The following RNF130 variants were observed in gnomAD, a reference collection of about 807,000 sequenced individuals.
The protein encoded by RNF130 is ring finger protein 130.
RNF130 carries 21 observed loss-of-function variants against 44.6 expected under a neutral mutation model. That is an observed-to-expected ratio of 0.47 (90% CI 0.33 to 0.68). The LOEUF (loss-of-function observed/expected upper bound fraction) is 0.68, where lower values mean the gene tolerates loss of function less well. RNF130 is among the 30% of genes least tolerant of loss of function. RNF130 has a pLI of 0.02. For synonymous variants in RNF130, 214 were observed against 210.4 expected (o/e 1.02, Z -0.15); for missense variants, 479 against 560.6 (o/e 0.85, Z 1.47).
intron 3 of RNF130, among the ~76,000 whole-genome samples, chr5:180,010,418 G>A (rs957503367): frequency 2.0e-5 from 3 of 151,964 alleles, no homozygotes; most frequent in Non-Finnish European, 4.4e-5. Context: ...GGAGTGCAGT[G>A]GTACGATCAT....
intron 5 of RNF130, among the ~76,000 whole-genome samples, chr5:179,970,916 G>A (rs920645346): frequency 3.9e-5 from 6 of 152,208 alleles, no homozygotes; most frequent in African/African-American, 1.4e-4. Context: ...TCTGTATAGT[G>A]ATTAGTTTTT....
At chr5:180,041,622 G>C (rs1313145303) in intron 1 of RNF130, among the ~76,000 whole-genome samples, 1 of 152,218 alleles carries the variant, frequency 6.6e-6, no homozygotes, top group East Asian at 1.9e-4. Context: ...GGGGAGAGAA[G>C]TCACCAAAGG....
At chr5:179,954,628 G>A (rs530036363), downstream of RNF130, among the ~76,000 whole-genome samples, 2 of 152,342 alleles carry the variant, frequency 1.3e-5, no homozygotes, top group Admixed American at 6.5e-5. Context: ...TCTGGAATCT[G>A]ATAGTGGTGA....
At chr5:179,964,236 G>C (rs1346656117) in intron 7 of RNF130, 5 of 152,326 alleles carry the variant, frequency 3.3e-5, no homozygotes, top group Non-Finnish European at 7.3e-5. Flanking sequence ...GCGGGCGACT[G>C]ACCGGGTACT....
intron 5 of RNF130, among the ~76,000 whole-genome samples, chr5:179,972,577 T>G: frequency 6.9e-6 from 1 of 145,034 alleles, no homozygotes; most frequent in Non-Finnish European, 1.5e-5. Context: ...GGTGCAGGAG[T>G]GAGAGGTATC....
chr5:180,061,528 G>C (rs1415776099), intron 1 of RNF130, among the ~76,000 whole-genome samples: 1 of 152,174 alleles, frequency 6.6e-6, no homozygotes, highest in East Asian at 1.9e-4. Flanking sequence ...GAGGCTCAAG[G>C]GAAAAACCAC....
chr5:179,996,905 A>T (rs1763212135), intron 3 of RNF130, among the ~76,000 whole-genome samples: 1 of 152,054 alleles, frequency 6.6e-6, no homozygotes, highest in Admixed American at 6.6e-5. Context: ...CTCTTCTTTA[A>T]ATGTTTGGCA....
At chr5:179,940,920 G>T (rs1409432892) in intron 7 of RNF130, among the ~76,000 whole-genome samples, 1 of 151,896 alleles carries the variant, frequency 6.6e-6, no homozygotes, top group Non-Finnish European at 1.5e-5. Flanking sequence ...CTTCAGCTCA[G>T]ATAGTCTCTC....
chr5:179,927,274 A>T (rs928580380), intron 7 of RNF130, among the ~76,000 whole-genome samples: 3 of 152,140 alleles, frequency 2.0e-5, no homozygotes, highest in Non-Finnish European at 4.4e-5. Context: ...AAGCACACAT[A>T]ATTTTTGACA....
chr5:179,927,743 C>A (rs574866034), intron 7 of RNF130, among the ~76,000 whole-genome samples: 61 of 151,894 alleles, frequency 4.0e-4, no homozygotes, highest in Non-Finnish European at 7.9e-4. Context: ...CCCGCCACCA[C>A]GCCTGGCTAA....
At chr5:179,962,955 C>T (rs552529597) in intron 8 of RNF130, among the ~76,000 whole-genome samples, 54 of 152,350 alleles carry the variant, frequency 3.5e-4, no homozygotes, top group African/African-American at 1.3e-3. Flanking sequence ...CTTATTTTCT[C>T]TTCCTCCTCA....
chr5:180,051,279 T>C (rs1164793855), intron 1 of RNF130, among the ~76,000 whole-genome samples: 3 of 151,388 alleles, frequency 2.0e-5, no homozygotes, highest in African/African-American at 7.3e-5. Flanking sequence ...AGACAGAGTC[T>C]CGATCTGTCA....
At chr5:179,944,594 A>G (rs903195785) in intron 7 of RNF130, among the ~76,000 whole-genome samples, 1 of 151,840 alleles carries the variant, frequency 6.6e-6, no homozygotes, top group Non-Finnish European at 1.5e-5. Flanking sequence ...CCTCCTTGCA[A>G]GCCACCATGC....
chr5:180,054,468 C>T (rs2113165682), intron 1 of RNF130, among the ~76,000 whole-genome samples: 1 of 152,248 alleles, frequency 6.6e-6, no homozygotes, highest in Middle Eastern at 3.4e-3. Context: ...CTAACTTCTC[C>T]GATATCCAGT....
intron 1 of RNF130, among the ~76,000 whole-genome samples, chr5:180,041,435 T>G (rs911505377): frequency 6.6e-6 from 1 of 152,208 alleles, no homozygotes; most frequent in Non-Finnish European, 1.5e-5. Flanking sequence ...TTATTTAAAA[T>G]ACTCATAAGT....
chr5:180,061,068 C>CAAA (rs57744473), intron 1 of RNF130, among the ~76,000 whole-genome samples: 1,308 of 53,082 alleles, frequency 0.025, 220 homozygotes, highest in African/African-American at 0.087. Flanking sequence ...GACTCCGTCT[C>CAAA]AAAAAAAAAA....
At chr5:180,068,576 A>G (rs1287551176) in intron 1 of RNF130, among the ~76,000 whole-genome samples, 3 of 152,230 alleles carry the variant, frequency 2.0e-5, no homozygotes, top group Non-Finnish European at 4.4e-5. Context: ...AGTGCCTAAG[A>G]AAAAAATTGA....
intron 6 of RNF130, among the ~76,000 whole-genome samples, chr5:179,968,048 C>T (rs956022447): frequency 6.6e-6 from 1 of 152,158 alleles, no homozygotes; most frequent in Non-Finnish European, 1.5e-5. Flanking sequence ...GTAATCCCAG[C>T]ACTTTGGGAG....
chr5:179,977,053 C>A lies in RNF130; in HGVS notation c.848+1150G>T, dbSNP rs1762729363. 1 of 152,212 alleles carries A rather than the reference C, an allele frequency of 6.6e-6. No homozygotes were observed. Among genetic ancestry groups the A allele is most frequent in the African/African-American group, 2.4e-5 (1 of 41,438 alleles). 9.4% of individuals were successfully genotyped at this position (152,212 alleles called of 1,614,324 possible). ...TTCCTCATGGAGGAAGGCTTGGTCC[C>A]ATGTGGGGAGCACCACATTAAAGGC... On this transcript the variant is annotated intron_variant, in intron 5 of 8. Coordinates refer to ENST00000521389, the MANE Select transcript of RNF130 (RefSeq NM_018434.6). The surrounding 1 kb of genome is among the most constrained non-coding windows in gnomAD (Gnocchi z 4.1).
Sources: allele counts gnomAD v4.1 joint callset (sites outside exome capture counted in the v4.1 genomes callset), GRCh38; gene constraint gnomAD v4.1.1; non-coding constraint Gnocchi (gnomAD v3.1); transcripts MANE v1.5; gene names NCBI Gene and HGNC (gene_info 2026-07-23, HGNC 2026-07-21).